Variants in SLC45A4 observed in about 807,000 individuals in gnomAD.
SLC45A4 encodes the protein polyamine-transporter SLC45A4.
In SLC45A4, 32 loss-of-function variants were observed where a neutral mutation model predicts 63.7. The observed-to-expected ratio is 0.50, with a 90% CI of 0.38 to 0.67. The LOEUF is 0.67. Ranked by LOEUF, SLC45A4 falls within the 30% of genes least tolerant of loss-of-function variation. SLC45A4 has a pLI of 0.00. For missense variants in SLC45A4, 1,027 were observed against 1,157.7 expected (o/e 0.89, Z 1.64); for synonymous variants, 535 against 510.0 (o/e 1.05, Z -0.66).
chr8:141,249,653 A>G (rs1340252838), intron 2 of SLC45A4, among the ~76,000 whole-genome samples: 1 of 152,204 alleles, frequency 6.6e-6, no homozygotes, highest in African/African-American at 2.4e-5. Context: ...ATCTCATGCC[A>G]ACTGTCAAAC....
At position 141,273,893 on chromosome 8, in the gene SLC45A4, C is replaced by T. The variant is rs904420415; in HGVS notation, c.-400-19264G>A. ...TCCGTGTGTTTGAAGGGAAGTATGA[C>T]GGATATTTCAGCAATGTTAATGTCA... On this transcript the variant is annotated intron_variant, in intron 1 of 8. Transcript: ENST00000517878. Among the ~76,000 whole-genome samples, 7 of 152,166 alleles carry T rather than the reference C, an allele frequency of 4.6e-5. No individual in the cohort carries two copies. The East Asian group carries it at 7.7e-4, about 17-fold the overall frequency.
At chr8:141,222,361 G>T (rs1218362589) in intron 2 of SLC45A4, among the ~76,000 whole-genome samples, 1 of 152,226 alleles carries the variant, frequency 6.6e-6, no homozygotes, top group East Asian at 1.9e-4. Context: ...GGGGGCAGGG[G>T]GATGCACCAT....
intron 1 of SLC45A4, among the ~76,000 whole-genome samples, chr8:141,306,828 C>T (rs1830910212): frequency 6.6e-6 from 1 of 152,228 alleles, no homozygotes; most frequent in Non-Finnish European, 1.5e-5. Flanking sequence ...GATTCAGAAT[C>T]TACCAGCCCA....
intron 2 of SLC45A4, among the ~76,000 whole-genome samples, chr8:141,231,109 C>T (rs1284975911): frequency 1.3e-5 from 2 of 152,200 alleles, no homozygotes; most frequent in Admixed American, 6.5e-5. Context: ...AAGCCACATT[C>T]GGTCACGTTT....
rs1325440472 is a variant in SLC45A4, at chr8:141,211,634, T to G, written c.2365A>C (p.Ser789Arg). The change falls in exon 9 of 9, where the codon AGT becomes CGT. Residue 789 changes from serine (S) to arginine (R), a missense_variant. Ser to Arg is a moderately radical substitution (Grantham distance 110). Coordinates refer to ENST00000517878, the MANE Select transcript of SLC45A4 (RefSeq NM_001286646.2). ...CTAAAATAATCATAAAGAAAAATACTCTCCAACAGCTGCGGCACCAGCCAA... is the reference window on the plus strand; with the variant it reads ...CTAAAATAATCATAAAGAAAAATACGCTCCAACAGCTGCGGCACCAGCCAA... Reference protein sequence around the residue: ...SHWLVPQLLESIFLYDYFRKK... With the variant: ...SHWLVPQLLERIFLYDYFRKK... 1 of 1,611,484 alleles carries G rather than the reference T, an allele frequency of 6.2e-7. No individual in the cohort carries two copies. Among genetic ancestry groups the G allele is most frequent in the Non-Finnish European group, 8.5e-7 (1 of 1,179,126 alleles).
rs550807373 is a variant in SLC45A4, at chr8:141,220,208, G to T, written c.431-379C>A. Reference sequence around the variant, plus strand: ...TAAGAAGGCCGCACATGGTAGTGCAGACGCCCACAGGGAAAGGCGCTCATG... The same window carrying T: ...TAAGAAGGCCGCACATGGTAGTGCATACGCCCACAGGGAAAGGCGCTCATG... On this transcript the variant is annotated intron_variant, in intron 3 of 8. Transcript: ENST00000517878. Among the ~76,000 whole-genome samples the T allele has an allele frequency of 2.6e-4, 39 of 152,342 alleles. 1 individual carries two copies. Among genetic ancestry groups the T allele is most frequent in the African/African-American group, 8.4e-4 (35 of 41,584 alleles).
intron 3 of SLC45A4, 29 bp from the exon 4 acceptor site, chr8:141,219,858 G>C (rs1247126044): frequency 6.5e-7 from 1 of 1,527,514 alleles, no homozygotes; most frequent in Non-Finnish European, 8.8e-7. Context: ...AGGGCGGTCA[G>C]GTCCTCAAGC....
intron 7 of SLC45A4, among the ~76,000 whole-genome samples, chr8:141,212,769 G>A (rs1825917887): frequency 6.6e-6 from 1 of 152,188 alleles, no homozygotes; most frequent in African/African-American, 2.4e-5. Context: ...CTCAAGGAGA[G>A]GGCAGGCGTG....
chr8:141,246,271 CG>C, intron 2 of SLC45A4, among the ~76,000 whole-genome samples: 1 of 152,268 alleles, frequency 6.6e-6, no homozygotes, highest in East Asian at 1.9e-4. Flanking sequence ...CCTGCTGCTG[CG>C]TAACAAACTG....
chr8:141,256,643 TG>T lies in SLC45A4; in HGVS notation c.-400-2015del, dbSNP rs1301789319. On this transcript the variant is annotated intron_variant, in intron 1 of 8. Coordinates refer to ENST00000517878, the MANE Select transcript of SLC45A4 (RefSeq NM_001286646.2). The surrounding 1 kb of genome is among the most constrained non-coding windows in gnomAD (Gnocchi z 4.3). ...TTTCACGCTGCAGCGGAAACCAGAA[TG>T]CCTACTAATTCCTTAAGAACCAAAG... 2.2e-6 allele frequency: 1 copy of T among 456,168 alleles called. No homozygotes were observed. Among genetic ancestry groups the T allele is most frequent in the Admixed American group, 2.3e-5 (1 of 42,560 alleles). 28.3% of individuals were successfully genotyped at this position (456,168 alleles called of 1,614,324 possible).
At chr8:141,298,014 G>C (rs1487753630) in intron 1 of SLC45A4, among the ~76,000 whole-genome samples, 1 of 114,842 alleles carries the variant, frequency 8.7e-6, no homozygotes, top group Non-Finnish European at 1.8e-5. Context: ...GGGCCACAGC[G>C]CTGCCCGGGA....
chr8:141,228,864 A>G (rs933995567), intron 2 of SLC45A4, among the ~76,000 whole-genome samples: 17 of 152,124 alleles, frequency 1.1e-4, no homozygotes, highest in African/African-American at 4.1e-4. Flanking sequence ...GTGCCGCTTC[A>G]TATCTAGACC....
chr8:141,247,195 T>G (rs1485546039), intron 2 of SLC45A4, among the ~76,000 whole-genome samples: 1 of 138,658 alleles, frequency 7.2e-6, no homozygotes, highest in Admixed American at 7.1e-5. Flanking sequence ...AATTAAAAGT[T>G]ACTGGAACTA....
intron 2 of SLC45A4, among the ~76,000 whole-genome samples, chr8:141,235,314 G>A (rs1827569279): frequency 6.6e-6 from 1 of 152,172 alleles, no homozygotes; most frequent in South Asian, 2.1e-4. Context: ...AATCATGAGC[G>A]TCAGGTTACC....
chr8:141,299,391 C>G (rs897730099), intron 1 of SLC45A4, among the ~76,000 whole-genome samples: 1 of 152,240 alleles, frequency 6.6e-6, no homozygotes, highest in Middle Eastern at 3.2e-3. Flanking sequence ...ATATTCCCTT[C>G]GGCTTACCTA....
intron 1 of SLC45A4, among the ~76,000 whole-genome samples, chr8:141,279,806 A>G (rs766032622): frequency 7.9e-5 from 12 of 152,260 alleles, no homozygotes; most frequent in Non-Finnish European, 1.5e-4. Context: ...AAGTCCAAAC[A>G]CAATCTGGCT....
At chr8:141,226,847 A>T (rs912477024) in intron 2 of SLC45A4, 2 of 152,280 alleles carry the variant, frequency 1.3e-5, no homozygotes, top group Non-Finnish European at 2.9e-5. Context: ...GGGTGCCCAC[A>T]GAGCCAGGCT....
At chr8:141,225,830 C>A (rs1826952720) in intron 2 of SLC45A4, 1 of 152,656 alleles carries the variant, frequency 6.6e-6, no homozygotes, top group Non-Finnish European at 1.5e-5. Context: ...GGGACCCGGC[C>A]CCAGGCCTCC....
Position 141,218,903 on chromosome 8 carries a change from A to G in SLC45A4, c.737T>C (p.Val246Ala). ...GTCGATGCTGAACAGGTGCAGGGCC[A>G]CGGACACCGTGAAGATGATGGCGGC... Reference protein sequence around the residue: ...FFAAIIFTVSVALHLFSIDEE... With the variant: ...FFAAIIFTVSAALHLFSIDEE... Residue 246 changes from valine to alanine, a missense_variant, in exon 5 of 9, where the codon GTG becomes GCG. By Grantham distance (64) the Val-to-Ala change is moderately conservative. Coordinates refer to ENST00000517878, the MANE Select transcript of SLC45A4 (RefSeq NM_001286646.2). The G allele has an allele frequency of 6.2e-7, 1 of 1,613,740 alleles. No individual in the cohort carries two copies. The highest frequency in any genetic ancestry group is 8.5e-7 in the Non-Finnish European group (1 of 1,179,938).
Sources: gnomAD v4.1 joint callset for allele counts (sites outside exome capture counted in the v4.1 genomes callset) on GRCh38, gnomAD v4.1.1 for gene constraint, Gnocchi (gnomAD v3.1) non-coding constraint, MANE v1.5 for transcripts, NCBI Gene and HGNC (gene_info 2026-07-23, HGNC 2026-07-21) for gene names.